Variants in CELSR3 observed in about 807,000 individuals in gnomAD.
CELSR3 encodes cadherin EGF LAG seven-pass G-type receptor 3, also known as EGF-like protein 1.
Under a neutral mutation model 270.0 loss-of-function variants are expected in CELSR3, and 73 were observed. The observed-to-expected ratio is 0.27, with a 90% CI of 0.22 to 0.33. The LOEUF (loss-of-function observed/expected upper bound fraction) is 0.33, where lower values mean the gene tolerates loss of function less well. Among genes scored for constraint, CELSR3 ranks in the 10% least tolerant of loss-of-function variants. CELSR3 has a pLI of 1.00. For synonymous variants in CELSR3, 1,780 were observed against 1,905.4 expected (o/e 0.93, Z 1.71); for missense variants, 3,614 against 4,533.8 (o/e 0.80, Z 5.83).
intron 17 of CELSR3, 71 bp downstream of exon 17, chr3:48,649,050 G>A (rs992298353): frequency 8.5e-6 from 13 of 1,536,114 alleles, no homozygotes; most frequent in Admixed American, 1.9e-5. Context: ...AAGGGCTAGG[G>A]TGTGGTATCT....
In CELSR3 at chr3:48,648,015, G is replaced by A. The variant is rs1477082633; in HGVS notation, c.6974-19C>T. ...CTGAGCACTACCCAGGAGAAAGAAA[G>A]GGGAGGCCCATCATGGACCTCTTCC... On this transcript the variant is annotated intron_variant, in intron 19 of 34. Transcript: ENST00000164024. The A allele has an allele frequency of 1.2e-6, 2 of 1,610,720 alleles. No homozygotes were observed. The highest frequency in any genetic ancestry group is 8.5e-7 in the Non-Finnish European group (1 of 1,178,976).
At chr3:48,656,436 C>A (rs1239217830) in intron 2 of CELSR3, 71 bp from the exon 3 acceptor site, 1 of 1,332,358 alleles carries the variant, frequency 7.5e-7, no homozygotes, top group Non-Finnish European at 9.7e-7. Context: ...TCAAAGACCG[C>A]GCGCCCAGAG....
At position 48,641,577 on chromosome 3, in the gene CELSR3, T is replaced by C. The variant is rs1198971163; in HGVS notation, c.8825-53A>G. 7.6e-7 allele frequency: 1 copy of C among 1,318,120 alleles called. No homozygotes were observed. 81.7% of individuals were successfully genotyped at this position (1,318,120 alleles called of 1,614,324 possible). ...CTTCTGGGTTGATCCCAGTGACTCATGACCCCTGACCCTAATGACCCTTGA... is the reference window on the plus strand; with the variant it reads ...CTTCTGGGTTGATCCCAGTGACTCACGACCCCTGACCCTAATGACCCTTGA... On this transcript the variant is annotated intron_variant, in intron 32 of 34. Coordinates refer to ENST00000164024, the MANE Select transcript of CELSR3 (RefSeq NM_001407.3). This position sits in a 1 kb window ranked among gnomAD's most constrained non-coding sequence, Gnocchi z 4.8.
rs748708457 is a variant in CELSR3 at position 48,651,109 on chromosome 3, A to T, written c.6187-34T>A. The T allele has an allele frequency of 5.2e-6, 8 of 1,533,280 alleles. No individual in the cohort carries two copies. The South Asian group carries it at 1.0e-4, about 20-fold the overall frequency. 95.0% of individuals were successfully genotyped at this position (1,533,280 alleles called of 1,614,324 possible). ...GGATGGGCCAGGGGCCTGAAGTCAGAGGTCAGGGCTTGGGGAATGAGTGGA... is the reference window on the plus strand; with the variant it reads ...GGATGGGCCAGGGGCCTGAAGTCAGTGGTCAGGGCTTGGGGAATGAGTGGA... On this transcript the variant is annotated intron_variant, in intron 14 of 34. Transcript: ENST00000164024. The surrounding 1 kb of genome is among the most constrained non-coding windows in gnomAD (Gnocchi z 7.4).
chr3:48,650,481 C>T lies in CELSR3; in HGVS notation c.6471G>A (p.Leu2157=). 1.9e-6 allele frequency: 3 copies of T among 1,602,722 alleles called. No individual in the cohort carries two copies. The highest frequency in any genetic ancestry group is 2.6e-6 in the Non-Finnish European group (3 of 1,173,602). ...TGTCCTTTCCCCCCACATACTCACC[C>T]AGGGCCCCCCGGGGACAGGGCACTG... ...LATVPCPRGA[L]GAAVRLCDEA... The change falls in exon 16 of 35, where the codon CTG becomes CTA. Residue 2157 remains leucine (L), a splice_region_variant and synonymous_variant. Coordinates refer to ENST00000164024, the MANE Select transcript of CELSR3 (RefSeq NM_001407.3). This position sits in a 1 kb window ranked among gnomAD's most constrained non-coding sequence, Gnocchi z 5.1.
At position 48,657,464 on chromosome 3, in the gene CELSR3, G is replaced by T; in HGVS notation, c.3749-116C>A. On this transcript the variant is annotated intron_variant, in intron 1 of 34. Transcript: ENST00000164024. The surrounding 1 kb of genome is among the most constrained non-coding windows in gnomAD (Gnocchi z 5.4). ...GCCCCCAGAACCTCTAAGTCAGCAG[G>T]CTGACCCCACCAGGACACAAGGGAG... 1.8e-6 allele frequency: 2 copies of T among 1,110,830 alleles called. No homozygotes were observed. The highest frequency in any genetic ancestry group is 1.2e-6 in the Non-Finnish European group (1 of 803,828). 68.8% of individuals were successfully genotyped at this position (1,110,830 alleles called of 1,614,324 possible).
rs1007473361 is a variant in CELSR3, at chr3:48,653,833, C to T, written c.5278+45G>A. 3.7e-6 allele frequency: 6 copies of T among 1,611,748 alleles called. No homozygotes were observed. The East Asian group carries it at 8.9e-5, about 24-fold the overall frequency. ...AGGGTTACAGCCCCTGCCCCAGGAA[C>T]AGATCTGACCCTGCAGGCCCCTCTG... is the stretch of plus-strand genomic sequence containing the variant. On this transcript the variant is annotated intron_variant, in intron 8 of 34. Transcript: ENST00000164024. The surrounding 1 kb of genome is among the most constrained non-coding windows in gnomAD (Gnocchi z 6.5).
chr3:48,649,938 C>T (rs948359579), intron 16 of CELSR3, among the ~76,000 whole-genome samples: 3 of 152,090 alleles, frequency 2.0e-5, no homozygotes, highest in Non-Finnish European at 2.9e-5. Context: ...TCTGAGGGGA[C>T]CTCAGGCAGT....
Position 48,647,841 on chromosome 3 carries a change from C to G in CELSR3, c.7129G>C (p.Val2377Leu). ...CCAGGGGTCCCCTAGGGGCTCTCACCTTCAGATGGGGATGGCCGTGGGGAC... is the reference window on the plus strand; with the variant it reads ...CCAGGGGTCCCCTAGGGGCTCTCACGTTCAGATGGGGATGGCCGTGGGGAC... ...SQSPRPSPSE[V>L]LPTSSSIENS... is the part of the protein sequence containing the mutation. The change falls in exon 20 of 35, where the codon GTT becomes CTT. Residue 2377 changes from valine (V) to leucine (L), a missense_variant and splice_region_variant. By Grantham distance (32) the Val-to-Leu change is conservative. This residue lies in a region of CELSR3 where 1,240 missense variants were observed against 1,351.7 expected (regional missense o/e 0.92). Coordinates refer to ENST00000164024, the MANE Select transcript of CELSR3 (RefSeq NM_001407.3). The G allele has an allele frequency of 6.2e-7, 1 of 1,608,794 alleles. No homozygotes were observed.
chr3:48,654,245 G>A lies in CELSR3; in HGVS notation c.5152+44C>T, dbSNP rs2047161496. On this transcript the variant is annotated intron_variant, in intron 7 of 34. Transcript: ENST00000164024. The surrounding 1 kb of genome is among the most constrained non-coding windows in gnomAD (Gnocchi z 5.4). ...GAGTCCTCCACTTCCTCCCTATGAT[G>A]GGGACAGGGCCATGGGCTAGGCTGG... 6.2e-7 allele frequency: 1 copy of A among 1,608,858 alleles called. No homozygotes were observed. The highest frequency in any genetic ancestry group is 2.2e-5 in the East Asian group (1 of 44,738).
chr3:48,654,966 G>T lies in CELSR3; in HGVS notation c.4988+78C>A. ...AAGATGGGAGAGTTTGGCAGGATGG[G>T]ATGAGGAATGGGATGTGAAGGGTTG... On this transcript the variant is annotated intron_variant, in intron 6 of 34. Transcript: ENST00000164024. The surrounding 1 kb of genome is among the most constrained non-coding windows in gnomAD (Gnocchi z 5.4). 1 of 1,399,046 alleles carries T rather than the reference G, an allele frequency of 7.1e-7. No homozygotes were observed. Among genetic ancestry groups the T allele is most frequent in the Non-Finnish European group, 1.0e-6 (1 of 987,678 alleles). 86.7% of individuals were successfully genotyped at this position (1,399,046 alleles called of 1,614,324 possible). A position where few individuals can be genotyped will look rare whatever the true frequency, so the allele number is the denominator to read the frequency against.
Position 48,655,847 on chromosome 3 carries a change from C to T in CELSR3, c.4630G>A (p.Ala1544Thr). The T allele has an allele frequency of 1.3e-6, 2 of 1,527,174 alleles. No individual in the cohort carries two copies. The highest frequency in any genetic ancestry group is 1.7e-5 in the Admixed American group (1 of 57,474). The allele number at this position is 1,527,174 out of a possible 1,614,324, so 94.6% of individuals were successfully genotyped here. The change falls in exon 4 of 35, where the codon GCG (alanine) becomes ACG (threonine). Residue 1544 changes from alanine to threonine, a missense_variant. Around this residue, in one of 7 missense-constraint regions of CELSR3, gnomAD observed 1,331 missense variants for 1,933.7 expected, o/e 0.69. Coordinates refer to ENST00000164024, the MANE Select transcript of CELSR3 (RefSeq NM_001407.3). This position sits in a 1 kb window ranked among gnomAD's most constrained non-coding sequence, Gnocchi z 5.8. ...AGCAGCCCGCTCTGCTGCACTGTCG[C>T]GAACCTGGGCGGGGTGGGAGGGGGT... ...RFHLTLSLSF[A>T]TVQQSGLLFY...
Position 48,652,861 on chromosome 3 carries a change from T to G in CELSR3, c.5634+141A>C. The G allele has an allele frequency of 1.3e-6, 1 of 784,670 alleles. No homozygotes were observed. Among genetic ancestry groups the G allele is most frequent in the Non-Finnish European group, 2.1e-6 (1 of 471,734 alleles). The allele number at this position is 784,670 out of a possible 1,614,324, so 48.6% of individuals were successfully genotyped here. A position where few individuals can be genotyped will look rare whatever the true frequency, so the allele number is the denominator to read the frequency against. Reference sequence around the variant, plus strand: ...CTGGTGGGTGGGCTCAGTGCAAGGATATATGGTGGGGAACTAGGGGTAGAA... The same window carrying G: ...CTGGTGGGTGGGCTCAGTGCAAGGAGATATGGTGGGGAACTAGGGGTAGAA... On this transcript the variant is annotated intron_variant, in intron 10 of 34. Transcript: ENST00000164024. This position sits in a 1 kb window ranked among gnomAD's most constrained non-coding sequence, Gnocchi z 4.3.
At position 48,645,900 on chromosome 3, in the gene CELSR3, G is replaced by C; in HGVS notation, c.7464-32C>G. 1 of 1,584,552 alleles carries C rather than the reference G, an allele frequency of 6.3e-7. No homozygotes were observed. Among genetic ancestry groups the C allele is most frequent in the Non-Finnish European group, 8.6e-7 (1 of 1,162,106 alleles). Reference sequence around the variant, plus strand: ...CCACAGGGCAGTTAGACACAACTGTGACCCAGTGTCAGGCAGGGGTTTGTG... The same window carrying C: ...CCACAGGGCAGTTAGACACAACTGTCACCCAGTGTCAGGCAGGGGTTTGTG... On this transcript the variant is annotated intron_variant, in intron 22 of 34. Transcript: ENST00000164024. The surrounding 1 kb of genome is among the most constrained non-coding windows in gnomAD (Gnocchi z 5.4).
At position 48,651,998 on chromosome 3, in the gene CELSR3, G is replaced by T. The variant is rs372105067; in HGVS notation, c.5802C>A (p.Pro1934=). ...TPSGSPALLP[P]SHRVNAEPGC... ...CAGGCTCCGCATTCACTCGGTGGCT[G>T]GGGGGTAGCAGGGCCGGGGAGCCAG... Residue 1934 remains proline (P), a synonymous_variant, in exon 12 of 35, where the codon CCC becomes CCA. Coordinates refer to ENST00000164024, the MANE Select transcript of CELSR3 (RefSeq NM_001407.3). This position sits in a 1 kb window ranked among gnomAD's most constrained non-coding sequence, Gnocchi z 7.4. The T allele has an allele frequency of 7.9e-5, 125 of 1,587,120 alleles. No homozygotes were observed. The highest frequency in any genetic ancestry group is 1.0e-4 in the Non-Finnish European group (120 of 1,169,688).
rs1350139451 is a variant in CELSR3 at position 48,661,911 on chromosome 3, C to T, written c.724G>A (p.Gly242Ser). 2 of 1,612,508 alleles carry T rather than the reference C, an allele frequency of 1.2e-6. No homozygotes were observed. The highest frequency in any genetic ancestry group is 1.7e-6 in the Non-Finnish European group (2 of 1,179,922). ...CGTGGTGCTGAATCCAGCTCGGGGCCAGATCCCGAGGCCCCTGGAAGACAG... is the reference window on the plus strand; with the variant it reads ...CGTGGTGCTGAATCCAGCTCGGGGCTAGATCCCGAGGCCCCTGGAAGACAG... Reference protein sequence around the residue: ...RNCLPGASGSGPELDSAPRTA... With the variant: ...RNCLPGASGSSPELDSAPRTA... The change falls in exon 1 of 35, where the codon GGC (glycine) becomes AGC (serine). Residue 242 changes from glycine to serine, a missense_variant. By Grantham distance (56) the Gly-to-Ser change is moderately conservative (BLOSUM62 0). Around this residue, in one of 7 missense-constraint regions of CELSR3, gnomAD observed 470 missense variants for 469.7 expected, o/e 1.00. Coordinates refer to ENST00000164024, the MANE Select transcript of CELSR3 (RefSeq NM_001407.3).
At chr3:48,649,726 G>T (rs2047120232) in intron 16 of CELSR3, among the ~76,000 whole-genome samples, 1 of 152,126 alleles carries the variant, frequency 6.6e-6, no homozygotes, top group Admixed American at 6.5e-5. Flanking sequence ...CTCTGGGGTT[G>T]GGATGGAGGT....
Position 48,650,159 on chromosome 3 carries a change from G to C in CELSR3, c.6472+321C>G. 1 of 499,250 alleles carries C rather than the reference G, an allele frequency of 2.0e-6. No individual in the cohort carries two copies. Among genetic ancestry groups the C allele is most frequent in the Non-Finnish European group, 3.9e-6 (1 of 255,326 alleles). 30.9% of individuals were successfully genotyped at this position (499,250 alleles called of 1,614,324 possible). On this transcript the variant is annotated intron_variant, in intron 16 of 34. Coordinates refer to ENST00000164024, the MANE Select transcript of CELSR3 (RefSeq NM_001407.3). The surrounding 1 kb of genome is among the most constrained non-coding windows in gnomAD (Gnocchi z 5.1). ...GTACTCAGATAGCCAGAAGGGGCCT[G>C]CAGGGACTTTAGGCAGCAGGGAGGG...
At position 48,646,324 on chromosome 3, in the gene CELSR3, C is replaced by T; in HGVS notation, c.7296-67G>A. ...CCATGCTCAGCCTGCTTGCCTCACCCCGTCTTCATGCCACTCGCCAGGGCT... is the reference window on the plus strand; with the variant it reads ...CCATGCTCAGCCTGCTTGCCTCACCTCGTCTTCATGCCACTCGCCAGGGCT... On this transcript the variant is annotated intron_variant, in intron 21 of 34. Transcript: ENST00000164024. The surrounding 1 kb of genome is among the most constrained non-coding windows in gnomAD (Gnocchi z 4.8). 1.3e-6 allele frequency: 2 copies of T among 1,505,460 alleles called. No individual in the cohort carries two copies. The highest frequency in any genetic ancestry group is 2.2e-4 in the Middle Eastern group (1 of 4,530). 93.3% of individuals were successfully genotyped at this position (1,505,460 alleles called of 1,614,324 possible). A position where few individuals can be genotyped will look rare whatever the true frequency, so the allele number is the denominator to read the frequency against.
Sources: gnomAD v4.1 joint callset for allele counts (sites outside exome capture counted in the v4.1 genomes callset) on GRCh38, gnomAD v4.1.1 for gene constraint, gnomAD v4.1.1 regional missense constraint, Gnocchi (gnomAD v3.1) non-coding constraint, MANE v1.5 for transcripts, NCBI Gene and HGNC (gene_info 2026-07-23, HGNC 2026-07-21) for gene names.